CCDC190: variants seen among roughly 807,000 people sequenced by gnomAD.
CCDC190 encodes the protein coiled-coil domain-containing protein 190.
Under a neutral mutation model 13.1 loss-of-function variants are expected in CCDC190, and 10 were observed. The observed-to-expected ratio is 0.77, with a 90% CI of 0.47 to 1.30. The LOEUF is 1.30. CCDC190 is among the 50% of genes most tolerant of loss of function. The pLI is 0.00. For missense variants in CCDC190, 375 were observed against 354.3 expected (o/e 1.06, Z -0.47); for synonymous variants, 136 against 127.2 (o/e 1.07, Z -0.47).
At chr1:162,855,430 T>C in intron 3 of CCDC190, 71 bp from the exon 4 acceptor site, 5 of 1,507,106 alleles carry the variant, frequency 3.3e-6, no homozygotes, top group Non-Finnish European at 3.5e-6. Flanking sequence ...TTTCAACTTA[T>C]TAGGATGTGG....
In CCDC190 at chr1:162,854,167, T is replaced by C; in HGVS notation, c.*598A>G. The C allele has an allele frequency of 1.1e-6, 1 of 919,194 alleles. No homozygotes were observed. The highest frequency in any genetic ancestry group is 1.3e-6 in the Non-Finnish European group (1 of 769,674). The allele number at this position is 919,194 out of a possible 1,614,324, so 56.9% of individuals were successfully genotyped here. ...AGAAGATATGAGAGGGAAAAGATTG[T>C]CCATTATTCTTTCAATAGGATTCAA... On this transcript the variant is annotated 3_prime_UTR_variant, in exon 4 of 4. Transcript: ENST00000367912.
intron 2 of CCDC190, among the ~76,000 whole-genome samples, chr1:162,856,699 T>TA (rs1306981264): frequency 6.6e-6 from 1 of 152,178 alleles, no homozygotes; most frequent in Non-Finnish European, 1.5e-5. Flanking sequence ...GTTCGGTTAG[T>TA]AGGCACTAAG....
At chr1:162,868,213 C>T (rs566759053) in intron 1 of CCDC190, among the ~76,000 whole-genome samples, 47 of 152,134 alleles carry the variant, frequency 3.1e-4, no homozygotes, top group African/African-American at 1.1e-3. Flanking sequence ...AGATGTAGGA[C>T]TAAGATACAA....
At position 162,851,720 on chromosome 1, in the gene CCDC190, C is replaced by T. The variant is rs1650114308; in HGVS notation, c.*3045G>A. 1 of 151,766 alleles carries T rather than the reference C, an allele frequency of 6.6e-6. No homozygotes were observed. The highest frequency in any genetic ancestry group is 2.4e-5 in the African/African-American group (1 of 41,226). 9.4% of individuals were successfully genotyped at this position (151,766 alleles called of 1,614,324 possible). A position where few individuals can be genotyped will look rare whatever the true frequency, so the allele number is the denominator to read the frequency against. On this transcript the variant is annotated 3_prime_UTR_variant, in exon 4 of 4. Coordinates refer to ENST00000367912, the MANE Select transcript of CCDC190 (RefSeq NM_001394065.1). ...GGGGAGGAAATGGGGAAGGGATCAT[C>T]TGTCCCCAGTACATCTCTGAATGAA... is the stretch of plus-strand genomic sequence containing the variant.
At chr1:162,866,502 T>C (rs1280560307) in intron 1 of CCDC190, among the ~76,000 whole-genome samples, 1 of 152,134 alleles carries the variant, frequency 6.6e-6, no homozygotes, top group African/African-American at 2.4e-5. Flanking sequence ...TCCTAAGTAT[T>C]TTAGACTGCC....
intron 2 of CCDC190, among the ~76,000 whole-genome samples, chr1:162,858,695 A>G (rs988041687): frequency 2.0e-5 from 3 of 152,234 alleles, no homozygotes; most frequent in African/African-American, 7.2e-5. Flanking sequence ...AAGAGCTGAG[A>G]TATTTCTTTC....
At position 162,859,658 on chromosome 1, in the gene CCDC190, T is replaced by C. The variant is rs1650429940; in HGVS notation, c.-12A>G. 1 of 1,608,140 alleles carries C rather than the reference T, an allele frequency of 6.2e-7. No individual in the cohort carries two copies. The highest frequency in any genetic ancestry group is 1.3e-5 in the African/African-American group (1 of 74,532). On this transcript the variant is annotated splice_region_variant and 5_prime_UTR_variant, in exon 2 of 4. Transcript: ENST00000367912. ...ATGTGCCTCTCCATCTTCTTTATGG[T>C]CTAGAGACAATAAGGTATCACAAAT...
At chr1:162,855,832 G>A in intron 2 of CCDC190, 77 bp from the exon 3 acceptor site, 1 of 1,315,222 alleles carries the variant, frequency 7.6e-7, no homozygotes, top group South Asian at 1.4e-5. Context: ...CTAACCCCCA[G>A]TACCTTAGGG....
chr1:162,858,648 C>G (rs1650394259), intron 2 of CCDC190, among the ~76,000 whole-genome samples: 1 of 152,200 alleles, frequency 6.6e-6, no homozygotes, highest in African/African-American at 2.4e-5. Flanking sequence ...CTCCTGAGTT[C>G]TGGCACTCTC....
intron 2 of CCDC190, among the ~76,000 whole-genome samples, chr1:162,856,438 C>T (rs564983595): frequency 4.6e-5 from 7 of 152,282 alleles, no homozygotes; most frequent in African/African-American, 1.7e-4. Context: ...TTTTCAAAAA[C>T]AAAATGACTG....
upstream of CCDC190, among the ~76,000 whole-genome samples, chr1:162,863,257 G>A (rs1197738113): frequency 6.6e-6 from 1 of 152,146 alleles, no homozygotes; most frequent in African/African-American, 2.4e-5. Flanking sequence ...TGGAATCAAA[G>A]AATCTGTCAT....
At chr1:162,859,357 CTGTCT>C in intron 2 of CCDC190, 98 bp downstream of exon 2, 1 of 1,039,310 alleles carries the variant, frequency 9.6e-7, no homozygotes, top group Non-Finnish European at 1.4e-6. Context: ...AAAGCTCTTG[CTGTCT>C]TGGCACTCAG....
intron 2 of CCDC190, among the ~76,000 whole-genome samples, chr1:162,857,111 G>A (rs1354848974): frequency 6.6e-6 from 1 of 152,102 alleles, no homozygotes; most frequent in Non-Finnish European, 1.5e-5. Flanking sequence ...ATATACTTTT[G>A]ATTCTGGTTT....
At chr1:162,857,564 A>G (rs186645235) in intron 2 of CCDC190, among the ~76,000 whole-genome samples, 119 of 152,230 alleles carry the variant, frequency 7.8e-4, no homozygotes, top group Non-Finnish European at 1.5e-3. Context: ...CTTTATACAT[A>G]CTATTCCTTC....
At chr1:162,860,699 A>G (rs557023904) in intron 1 of CCDC190, among the ~76,000 whole-genome samples, 2 of 152,096 alleles carry the variant, frequency 1.3e-5, no homozygotes, top group African/African-American at 4.8e-5. Context: ...CTTGGACTAC[A>G]GGCCTGCACC....
chr1:162,865,875 T>G (rs10917619), upstream of CCDC190, among the ~76,000 whole-genome samples: 1 of 152,020 alleles, frequency 6.6e-6, no homozygotes, highest in Non-Finnish European at 1.5e-5. Flanking sequence ...TACTATTGTA[T>G]TAGAGGACTT....
At position 162,852,345 on chromosome 1, in the gene CCDC190, G is replaced by C. The variant is rs562239001; in HGVS notation, c.*2420C>G. 2.6e-5 allele frequency: 4 copies of C among 152,262 alleles called. No individual in the cohort carries two copies. Among genetic ancestry groups the C allele is most frequent in the African/African-American group, 9.6e-5 (4 of 41,456 alleles). The allele number at this position is 152,262 out of a possible 1,614,324, so 9.4% of individuals were successfully genotyped here. ...AGTAAAGTGGCCATGGACTGGTCGA[G>C]AGCAAGCCATCCTAGAGCACCGTGT... On this transcript the variant is annotated 3_prime_UTR_variant, in exon 4 of 4. Coordinates refer to ENST00000367912, the MANE Select transcript of CCDC190 (RefSeq NM_001394065.1).
intron 2 of CCDC190, among the ~76,000 whole-genome samples, chr1:162,859,245 G>T (rs547944765): frequency 1.3e-5 from 2 of 152,362 alleles, no homozygotes; most frequent in African/African-American, 4.8e-5. Flanking sequence ...CCTGAGAAAT[G>T]TTAGCTCAAG....
At position 162,859,514 on chromosome 1, in the gene CCDC190, A is replaced by G. The variant is rs1273153418; in HGVS notation, c.133T>C (p.Leu45=). 5.6e-6 allele frequency: 9 copies of G among 1,613,602 alleles called. No individual in the cohort carries two copies. The highest frequency in any genetic ancestry group is 7.6e-6 in the Non-Finnish European group (9 of 1,179,796). ...AGCTGCCTCTGCTCCCAGGTCAGCA[A>G]TTTCACATGGTAGAGGCAAATAACC... ...LKVICLYHVK[L]LTWEQRQLQK... Residue 45 remains leucine (L), a synonymous_variant, in exon 2 of 4, where the codon TTG becomes CTG. Coordinates refer to ENST00000367912, the MANE Select transcript of CCDC190 (RefSeq NM_001394065.1).
Sources: allele counts gnomAD v4.1 joint callset (sites outside exome capture counted in the v4.1 genomes callset), GRCh38; gene constraint gnomAD v4.1.1; transcripts MANE v1.5; gene names NCBI Gene and HGNC (gene_info 2026-07-23, HGNC 2026-07-21).